MAU2: variants seen among roughly 807,000 people sequenced by gnomAD.
The protein encoded by MAU2 is MAU2 chromatid cohesion factor homolog.
MAU2 carries 9 observed loss-of-function variants against 89.1 expected under a neutral mutation model. That is an observed-to-expected ratio of 0.10 (90% CI 0.06 to 0.18). The LOEUF (loss-of-function observed/expected upper bound fraction) is 0.18, where lower values mean the gene tolerates loss of function less well. Ranked by LOEUF, MAU2 falls within the 10% of genes least tolerant of loss-of-function variation. The probability of loss-of-function intolerance (pLI) is 1.00; values close to 1 mark genes in which losing one functional copy is unlikely to be tolerated. For synonymous variants in MAU2, 357 were observed against 343.4 expected, an observed-to-expected ratio of 1.04 and a Z score of -0.44; for missense variants, 425 against 803.5, an observed-to-expected ratio of 0.53 and a Z score of 5.69.
rs1555792830 is a variant in MAU2, at chr19:19,326,691, A to ATATATATACGTATATATATATATATACGT, written c.276+5556_276+5557insTATATATACGTATATATATATATATACGT. ...AAAGAGCGAGACTGTCTCAAAAAAA[A>ATATATATACGTATATATATATATATACGT]ATATATATATGTATATATATATATA... On this transcript the variant is annotated intron_variant, in intron 1 of 18. Coordinates refer to ENST00000262815, the MANE Select transcript of MAU2 (RefSeq NM_015329.4). Among the ~76,000 whole-genome samples the ATATATATACGTATATATATATATATACGT allele has an allele frequency of 2.0e-4, 22 of 109,446 alleles. 2 individuals are homozygous for ATATATATACGTATATATATATATATACGT. Among genetic ancestry groups the ATATATATACGTATATATATATATATACGT allele is most frequent in the African/African-American group, 4.7e-4 (15 of 31,900 alleles). 71.8% of individuals were successfully genotyped at this position (109,446 alleles called of 152,430 possible). A position where few individuals can be genotyped will look rare whatever the true frequency, so the allele number is the denominator to read the frequency against.
At chr19:19,327,099 CCA>C (rs1210838483) in intron 1 of MAU2, among the ~76,000 whole-genome samples, 2 of 150,360 alleles carry the variant, frequency 1.3e-5, no homozygotes, top group African/African-American at 2.4e-5. Flanking sequence ...GTGTGAGCCA[CCA>C]CACACAGCCT....
In MAU2 at chr19:19,348,873, G is replaced by A. The variant is rs1157257943; in HGVS notation, c.1309-16G>A. 1 of 1,613,978 alleles carries A rather than the reference G, an allele frequency of 6.2e-7. No individual in the cohort carries two copies. ...TGAAGATGCAGAATGGTGCTGACTG[G>A]CTCTTTCCCCCGCAGCTCTACAGTC... On this transcript the variant is annotated splice_polypyrimidine_tract_variant and intron_variant, in intron 13 of 18. Transcript: ENST00000262815.
At chr19:19,327,186 A>G (rs376713813) in intron 1 of MAU2, among the ~76,000 whole-genome samples, 1 of 149,732 alleles carries the variant, frequency 6.7e-6, no homozygotes, top group South Asian at 2.1e-4. Flanking sequence ...CAGTGGCGCA[A>G]TCTCAGCTCA....
intron 1 of MAU2, among the ~76,000 whole-genome samples, chr19:19,328,325 T>A (rs2146658674): frequency 6.6e-6 from 1 of 152,246 alleles, no homozygotes; most frequent in Non-Finnish European, 1.5e-5. Context: ...TTTTTCTTAT[T>A]TTCCCACCTG....
chr19:19,340,870 G>T lies in MAU2; in HGVS notation c.576G>T (p.Gly192=), dbSNP rs368088357. 24 of 1,613,372 alleles carry T rather than the reference G, an allele frequency of 1.5e-5. No homozygotes were observed. Among genetic ancestry groups the T allele is most frequent in the Non-Finnish European group, 1.9e-5 (23 of 1,179,918 alleles). The change falls in exon 6 of 19, where the codon GGG becomes GGT. Residue 192 remains glycine, a synonymous_variant. Coordinates refer to ENST00000262815, the MANE Select transcript of MAU2 (RefSeq NM_015329.4). ...YTRALFLLSK[G]MLLLMERKLQ... Reference sequence around the variant, plus strand: ...GGGCGCTGTTCCTCCTCAGCAAGGGGATGGTAAGTTGAGGCTGGGCATGGC... The same window carrying T: ...GGGCGCTGTTCCTCCTCAGCAAGGGTATGGTAAGTTGAGGCTGGGCATGGC...
Position 19,356,125 on chromosome 19 carries a change from A to G in MAU2, c.*343A>G, listed in dbSNP as rs939224094. On this transcript the variant is annotated 3_prime_UTR_variant, in exon 19 of 19. Transcript: ENST00000262815. ...CCAGCAGGTCCTAATCCTGTGTGCCAGGGCAGGCAGTGCCCCAGGGGCACC... is the reference window on the plus strand; with the variant it reads ...CCAGCAGGTCCTAATCCTGTGTGCCGGGGCAGGCAGTGCCCCAGGGGCACC... The G allele has an allele frequency of 8.3e-6, 4 of 484,812 alleles. No homozygotes were observed. The highest frequency in any genetic ancestry group is 1.6e-5 in the South Asian group (1 of 62,884). 30.0% of individuals were successfully genotyped at this position (484,812 alleles called of 1,614,324 possible). A position where few individuals can be genotyped will look rare whatever the true frequency, so the allele number is the denominator to read the frequency against.
At chr19:19,330,952 C>G (rs2061550624) in intron 1 of MAU2, among the ~76,000 whole-genome samples, 1 of 152,046 alleles carries the variant, frequency 6.6e-6, no homozygotes, top group Non-Finnish European at 1.5e-5. Flanking sequence ...GAATAAGAAG[C>G]CTTGAAACAC....
At position 19,340,886 on chromosome 19, in the gene MAU2, TG is replaced by T. The variant is rs1204338908; in HGVS notation, c.579+16del. On this transcript the variant is annotated intron_variant, in intron 6 of 18. Transcript: ENST00000262815. The stretch of plus-strand genomic sequence containing the variant: ...CAGCAAGGGGATGGTAAGTTGAGGC[TG>T]GGCATGGCTGGATGCAGCTGGTGTT... 2 of 1,613,110 alleles carry T rather than the reference TG, an allele frequency of 1.2e-6. No individual in the cohort carries two copies. Among genetic ancestry groups the T allele is most frequent in the Non-Finnish European group, 1.7e-6 (2 of 1,179,874 alleles).
At chr19:19,330,293 A>T (rs1181936154) in intron 1 of MAU2, among the ~76,000 whole-genome samples, 1 of 151,590 alleles carries the variant, frequency 6.6e-6, no homozygotes, top group Non-Finnish European at 1.5e-5. Context: ...CCTGTCTCTT[A>T]TAAAAACAAA....
chr19:19,335,653 G>A, intron 1 of MAU2, 65 bp from the exon 2 acceptor site: 4 of 1,567,676 alleles, frequency 2.6e-6, no homozygotes, highest in South Asian at 1.1e-5. Flanking sequence ...AAGCCCCAGA[G>A]CGAGCCAGTA....
intron 12 of MAU2, 152 bp from the exon 13 acceptor site, chr19:19,347,128 C>T (rs1194481643): frequency 1.8e-5 from 11 of 614,908 alleles, no homozygotes; most frequent in Admixed American, 1.4e-4. Flanking sequence ...GCTGTGTTAT[C>T]CTTGAGCTTA....
At chr19:19,337,295 C>G (rs750884490) in intron 4 of MAU2, 30 bp downstream of exon 4, 104 of 1,571,466 alleles carry the variant, frequency 6.6e-5, no homozygotes, top group Non-Finnish European at 9.0e-5. Context: ...AACGAGGGTG[C>G]CCGGCAGGGA....
chr19:19,337,336 G>T, intron 4 of MAU2, 71 bp downstream of exon 4: 1 of 1,227,564 alleles, frequency 8.1e-7, no homozygotes. Flanking sequence ...TGCCCCATTT[G>T]CAAAGAACAG....
Position 19,331,295 on chromosome 19 carries a change from C to A in MAU2, c.277-4423C>A, listed in dbSNP as rs145561518. Among the ~76,000 whole-genome samples the A allele has an allele frequency of 2.4e-3, 357 of 151,706 alleles. 2 individuals carry two copies. Among genetic ancestry groups the A allele is most frequent in the Non-Finnish European group, 4.2e-3 (287 of 67,940 alleles). ...CAGGCAGATAACAAGGTCAGGAGACCGAGACCGTCCTGGCTAACATGGTGA... is the reference window on the plus strand; with the variant it reads ...CAGGCAGATAACAAGGTCAGGAGACAGAGACCGTCCTGGCTAACATGGTGA... On this transcript the variant is annotated intron_variant, in intron 1 of 18. Coordinates refer to ENST00000262815, the MANE Select transcript of MAU2 (RefSeq NM_015329.4).
chr19:19,324,108 A>G (rs954947494), intron 1 of MAU2, among the ~76,000 whole-genome samples: 8 of 152,226 alleles, frequency 5.3e-5, no homozygotes, highest in Non-Finnish European at 1.5e-5. Flanking sequence ...TGAGGAAGAC[A>G]AATGATAAGC....
intron 3 of MAU2, among the ~76,000 whole-genome samples, chr19:19,336,425 G>A (rs565845354): frequency 2.6e-5 from 4 of 152,078 alleles, no homozygotes; most frequent in South Asian, 2.1e-4. Context: ...TCAGCCTCCC[G>A]AGCAGCTGGG....
At chr19:19,342,742 C>T (rs1414558663) in intron 8 of MAU2, 34 bp from the exon 9 acceptor site, 3 of 1,613,814 alleles carry the variant, frequency 1.9e-6, no homozygotes, top group Non-Finnish European at 2.5e-6. Context: ...GGGAGAGGGC[C>T]CTGGTAACCC....
chr19:19,332,326 A>ATTTTTTTT lies in MAU2; in HGVS notation c.277-3375_277-3368dup, dbSNP rs35913129. On this transcript the variant is annotated intron_variant, in intron 1 of 18. Transcript: ENST00000262815. Reference sequence around the variant, plus strand: ...CAGCATGCACCACCATGCCTGGCTGATTTTTTTTTTTTTTTTTTTTTTTTA... The same window carrying ATTTTTTTT: ...CAGCATGCACCACCATGCCTGGCTGATTTTTTTTTTTTTTTTTTTTTTTTTTTTTTTTA... Among the ~76,000 whole-genome samples the ATTTTTTTT allele has an allele frequency of 1.1e-4, 11 of 101,950 alleles. 1 individual carries two copies. The East Asian group carries it at 3.3e-3, about 31-fold the overall frequency. 66.9% of individuals were successfully genotyped at this position (101,950 alleles called of 152,430 possible). A position where few individuals can be genotyped will look rare whatever the true frequency, so the allele number is the denominator to read the frequency against.
In MAU2 at chr19:19,345,382, C is replaced by G. The variant is rs374124779; in HGVS notation, c.1221+13C>G. 10 of 1,613,092 alleles carry G rather than the reference C, an allele frequency of 6.2e-6. No individual in the cohort carries two copies. Among genetic ancestry groups the G allele is most frequent in the Non-Finnish European group, 8.5e-6 (10 of 1,179,830 alleles). On this transcript the variant is annotated intron_variant, in intron 12 of 18. Coordinates refer to ENST00000262815, the MANE Select transcript of MAU2 (RefSeq NM_015329.4). This position sits in a 1 kb window ranked among gnomAD's most constrained non-coding sequence, Gnocchi z 4.9. ...CACGGCCCTGCGGGTAAGGTGCCGGCCCTCCTTGCTGCTCGGGGCGGGCCA... is the reference window on the plus strand; with the variant it reads ...CACGGCCCTGCGGGTAAGGTGCCGGGCCTCCTTGCTGCTCGGGGCGGGCCA...
Sources: allele counts gnomAD v4.1 joint callset (sites outside exome capture counted in the v4.1 genomes callset), GRCh38; gene constraint gnomAD v4.1.1; non-coding constraint Gnocchi (gnomAD v3.1); transcripts MANE v1.5; gene names NCBI Gene and HGNC (gene_info 2026-07-23, HGNC 2026-07-21).